Variants in TOGARAM1 observed in about 807,000 individuals in gnomAD.
TOGARAM1 encodes the protein TOG array regulator of axonemal microtubules 1.
Under a neutral mutation model 166.6 loss-of-function variants are expected in TOGARAM1, and 100 were observed. The observed-to-expected ratio is 0.60, with a 90% CI of 0.51 to 0.71. The LOEUF (loss-of-function observed/expected upper bound fraction) is 0.71. TOGARAM1 is among the 30% of genes least tolerant of loss of function. The probability of loss-of-function intolerance (pLI) is 0.00; values close to 1 mark genes in which losing one functional copy is unlikely to be tolerated. For synonymous variants in TOGARAM1, 758 were observed against 763.8 expected, an observed-to-expected ratio of 0.99 and a Z score of 0.13; for missense variants, 2,029 against 2,102.7, an observed-to-expected ratio of 0.96 and a Z score of 0.69.
At chr14:45,051,640 A>C (rs928209114) in intron 14 of TOGARAM1, among the ~76,000 whole-genome samples, 1 of 145,458 alleles carries the variant, frequency 6.9e-6, no homozygotes, top group African/African-American at 2.6e-5. Context: ...GCTCACTGCA[A>C]CCTCCACCTC....
At chr14:45,020,262 T>C (rs1334443770) in intron 7 of TOGARAM1, among the ~76,000 whole-genome samples, 1 of 152,304 alleles carries the variant, frequency 6.6e-6, no homozygotes, top group Non-Finnish European at 1.5e-5. Context: ...TCAGTGATGA[T>C]TCCAGATTGA....
Position 44,972,338 on chromosome 14 carries a change from G to A in TOGARAM1, c.2046+7871G>A, listed in dbSNP as rs534223902. 2.6e-4 allele frequency among the ~76,000 whole-genome samples: 40 copies of A among 152,024 alleles called. 1 individual carries two copies. Among genetic ancestry groups the A allele is most frequent in the African/African-American group, 9.4e-4 (39 of 41,480 alleles). ...TGTTCCATGTGAATTTAAGAAGAAT[G>A]TGCAGTCTGTTGTTGGATAAAGTAA... is the stretch of plus-strand genomic sequence containing the variant. On this transcript the variant is annotated intron_variant, in intron 1 of 19. Transcript: ENST00000361462.
At chr14:44,996,324 T>G (rs1035968120) in intron 2 of TOGARAM1, 2 of 152,590 alleles carry the variant, frequency 1.3e-5, no homozygotes, top group African/African-American at 4.8e-5. Context: ...AGCAAACCAC[T>G]GTATATCAGG....
chr14:45,055,876 G>A (rs1162429301), intron 16 of TOGARAM1, among the ~76,000 whole-genome samples: 3 of 138,554 alleles, frequency 2.2e-5, no homozygotes, highest in African/African-American at 8.3e-5. Flanking sequence ...AAAAGGTTCA[G>A]TGAGCCACGA....
intron 7 of TOGARAM1, among the ~76,000 whole-genome samples, chr14:45,021,677 C>T (rs1180081763): frequency 6.6e-6 from 1 of 152,054 alleles, no homozygotes; most frequent in Admixed American, 6.5e-5. Context: ...CCACTTTAAC[C>T]GCGGTTGGGG....
chr14:45,066,105 A>G (rs1883126694), intron 16 of TOGARAM1, among the ~76,000 whole-genome samples: 1 of 152,190 alleles, frequency 6.6e-6, no homozygotes, highest in Non-Finnish European at 1.5e-5. Context: ...TCCTAGGCAG[A>G]CAGTCCCTAC....
At chr14:44,985,038 G>T (rs761659484) in intron 1 of TOGARAM1, among the ~76,000 whole-genome samples, 1 of 151,314 alleles carries the variant, frequency 6.6e-6, no homozygotes, top group Non-Finnish European at 1.5e-5. Flanking sequence ...TTCTGAGATG[G>T]AGTCTCGCTC....
Position 44,963,252 on chromosome 14 carries a change from C to T in TOGARAM1, c.831C>T (p.Phe277=). 1 of 1,614,194 alleles carries T rather than the reference C, an allele frequency of 6.2e-7. No homozygotes were observed. The highest frequency in any genetic ancestry group is 8.5e-7 in the Non-Finnish European group (1 of 1,180,038). The part of the protein sequence containing the change: ...QETEEESETA[F]SALQQIGERL... ...CAGAAGAAGAATCTGAGACAGCTTTCTCCGCACTTCAACAAATTGGGGAGC... is the reference window on the plus strand; with the variant it reads ...CAGAAGAAGAATCTGAGACAGCTTTTTCCGCACTTCAACAAATTGGGGAGC... The change falls in exon 1 of 20, where the codon TTC becomes TTT. Residue 277 remains phenylalanine (F), a synonymous_variant. Transcript: ENST00000361462.
At chr14:45,040,794 T>G (rs1338820206) in intron 11 of TOGARAM1, among the ~76,000 whole-genome samples, 2 of 152,124 alleles carry the variant, frequency 1.3e-5, no homozygotes, top group East Asian at 1.9e-4. Context: ...ATTCCAGCAC[T>G]TTGGGAGGCC....
chr14:45,038,099 G>T (rs987958807), intron 11 of TOGARAM1, among the ~76,000 whole-genome samples: 3 of 152,176 alleles, frequency 2.0e-5, no homozygotes, highest in South Asian at 2.1e-4. Flanking sequence ...TAGAGATGGG[G>T]TTTTTCTATG....
At chr14:45,031,612 G>A (rs1035727570) in intron 10 of TOGARAM1, among the ~76,000 whole-genome samples, 2 of 152,040 alleles carry the variant, frequency 1.3e-5, no homozygotes, top group Non-Finnish European at 2.9e-5. Flanking sequence ...TTTGCTTTTA[G>A]CTGTTAAAAT....
intron 18 of TOGARAM1, among the ~76,000 whole-genome samples, chr14:45,071,503 C>G (rs971315331): frequency 1.3e-5 from 2 of 152,114 alleles, no homozygotes; most frequent in South Asian, 4.1e-4. Flanking sequence ...GATCCTCTCA[C>G]CTCAGCCTCC....
intron 1 of TOGARAM1, among the ~76,000 whole-genome samples, chr14:44,965,363 G>C (rs1885472454): frequency 6.6e-6 from 1 of 152,052 alleles, no homozygotes; most frequent in Admixed American, 6.5e-5. Flanking sequence ...TTATCATCCA[G>C]GATCTAGTCA....
intron 2 of TOGARAM1, among the ~76,000 whole-genome samples, chr14:44,998,761 T>C (rs191815369): frequency 7.9e-5 from 12 of 152,202 alleles, no homozygotes; most frequent in Non-Finnish European, 1.5e-4. Context: ...ATTTAATAGA[T>C]GGATAAACTA....
chr14:45,066,161 G>T (rs938288442), intron 16 of TOGARAM1, among the ~76,000 whole-genome samples: 4 of 152,138 alleles, frequency 2.6e-5, no homozygotes, highest in African/African-American at 9.7e-5. Context: ...CCTCTAATAA[G>T]CTTACTTAGT....
chr14:45,066,533 T>C (rs1883144111), intron 16 of TOGARAM1, 45 bp from the exon 17 acceptor site: 3 of 1,457,338 alleles, frequency 2.1e-6, no homozygotes, highest in Non-Finnish European at 2.8e-6. Flanking sequence ...ATAGTTTTTA[T>C]AGGAAAGTAC....
At chr14:44,986,309 A>G (rs1429485563) in intron 1 of TOGARAM1, among the ~76,000 whole-genome samples, 1 of 152,142 alleles carries the variant, frequency 6.6e-6, no homozygotes. Context: ...TTGTTGTTAG[A>G]GACAGAGCCT....
intron 1 of TOGARAM1, among the ~76,000 whole-genome samples, chr14:44,977,223 TAG>T (rs1886243847): frequency 1.3e-5 from 2 of 149,416 alleles, no homozygotes; most frequent in South Asian, 4.2e-4. Context: ...TGAAGAAAAT[TAG>T]ACAGACTTTT....
chr14:45,035,960 A>G (rs1409447272), intron 11 of TOGARAM1, among the ~76,000 whole-genome samples: 2 of 150,638 alleles, frequency 1.3e-5, no homozygotes, highest in Admixed American at 1.3e-4. Flanking sequence ...AAAAAAAAAA[A>G]AAAGAAAGAA....
Sources: gnomAD v4.1 joint callset for allele counts (sites outside exome capture counted in the v4.1 genomes callset) on GRCh38, gnomAD v4.1.1 for gene constraint, MANE v1.5 for transcripts, NCBI Gene and HGNC (gene_info 2026-07-23, HGNC 2026-07-21) for gene names.